POU3F3: variants seen among roughly 807,000 people sequenced by gnomAD.
POU3F3 encodes the protein POU domain, class 3, transcription factor 3.
In POU3F3, 1 loss-of-function variant was observed where a neutral mutation model predicts 8.6. That is an observed-to-expected ratio of 0.12 (90% confidence interval 0.04 to 0.55). The LOEUF (loss-of-function observed/expected upper bound fraction) is 0.55, where lower values mean the gene tolerates loss of function less well. Among genes scored for constraint, POU3F3 ranks in the 20% least tolerant of loss-of-function variants. The pLI is 0.91. For missense variants in POU3F3, 577 were observed against 690.7 expected, an observed-to-expected ratio of 0.84 and a Z score of 1.84; for synonymous variants, 418 against 327.4, an observed-to-expected ratio of 1.28 and a Z score of -2.99.
At chr2:104,875,550 G>T in the POU3F3 span, among the ~76,000 whole-genome samples, 1 of 152,132 alleles carries the variant, frequency 6.6e-6, no homozygotes, top group Non-Finnish European at 1.5e-5. Context: ...TTGGTGTGAA[G>T]TGATATCTCA....
chr2:104,915,197 T>C, the POU3F3 span, among the ~76,000 whole-genome samples: 1 of 152,108 alleles, frequency 6.6e-6, no homozygotes, highest in Admixed American at 6.5e-5. Flanking sequence ...TAAATAGCAA[T>C]TGTATTAGTC....
chr2:104,869,199 GA>G, the POU3F3 span, among the ~76,000 whole-genome samples: 1 of 152,212 alleles, frequency 6.6e-6, no homozygotes, highest in Non-Finnish European at 1.5e-5. Flanking sequence ...TTCCGGCTGG[GA>G]AAAGTTTAAA....
the POU3F3 span, among the ~76,000 whole-genome samples, chr2:104,925,726 A>G: frequency 0.65 from 99,249 of 152,150 alleles, 32,518 homozygotes; most frequent in East Asian, 0.81. Flanking sequence ...AATTTTCCTC[A>G]GAGTTAGATA....
chr2:104,881,141 TCTTTCTTTC>T, the POU3F3 span, among the ~76,000 whole-genome samples: 31 of 151,256 alleles, frequency 2.0e-4, no homozygotes, highest in South Asian at 2.7e-3. Flanking sequence ...TTTCTTTCTT[TCTTTCTTTC>T]CTTTCTTTCC....
the POU3F3 span, among the ~76,000 whole-genome samples, chr2:104,894,861 C>T: frequency 6.6e-6 from 1 of 152,224 alleles, no homozygotes; most frequent in Non-Finnish European, 1.5e-5. Context: ...GGGGTGAGAA[C>T]AAGCAGGGAG....
At chr2:104,911,603 G>T in the POU3F3 span, among the ~76,000 whole-genome samples, 2 of 152,050 alleles carry the variant, frequency 1.3e-5, no homozygotes, top group Non-Finnish European at 2.9e-5. Flanking sequence ...TTCATGGCTG[G>T]CTTTGAGGAC....
the POU3F3 span, among the ~76,000 whole-genome samples, chr2:104,901,432 C>T: frequency 0.079 from 12,098 of 152,228 alleles, 733 homozygotes; most frequent in Non-Finnish European, 0.12. Context: ...CCCCATGACA[C>T]GGCAGCCGGG....
the POU3F3 span, among the ~76,000 whole-genome samples, chr2:104,918,334 G>T: frequency 4.6e-5 from 7 of 152,232 alleles, no homozygotes; most frequent in African/African-American, 1.7e-4. Context: ...TACAATGGAA[G>T]AGAAGGAATC....
Position 104,856,392 on chromosome 2 carries a change from C to T in POU3F3, c.882C>T (p.His294=), listed in dbSNP as rs1433630403. The T allele has an allele frequency of 6.5e-7, 1 of 1,534,732 alleles. No individual in the cohort carries two copies. Residue 294 remains histidine, a synonymous_variant, in exon 1 of 1, where the codon CAC becomes CAT. Coordinates refer to ENST00000361360, the MANE Select transcript of POU3F3 (RefSeq NM_006236.3). ...ACCACGCGCAGGGACCCCCGCACCACGGCGGCGGCGGCGGCGGCGCGGGGC... is the reference window on the plus strand; with the variant it reads ...ACCACGCGCAGGGACCCCCGCACCATGGCGGCGGCGGCGGCGGCGCGGGGC... ...HPHHAQGPPH[H]GGGGGGAGPG...
Position 104,855,952 on chromosome 2 carries a change from G to A in POU3F3, c.442G>A (p.Asp148Asn). ...QPPPPPPQGPDVKGGAGRDDL... is the reference protein window; with the variant it reads ...QPPPPPPQGPNVKGGAGRDDL... ...GCCGCCGCCACCGCCGCAGGGCCCC[G>A]ACGTGAAGGGCGGCGCCGGGCGCGA... Residue 148 changes from aspartate (D) to asparagine (N), a missense_variant, in exon 1 of 1, where the codon GAC becomes AAC. Coordinates refer to ENST00000361360, the MANE Select transcript of POU3F3 (RefSeq NM_006236.3). The A allele has an allele frequency of 9.5e-7, 1 of 1,054,932 alleles. No homozygotes were observed. The highest frequency in any genetic ancestry group is 2.7e-5 in the South Asian group (1 of 36,732). 65.3% of individuals were successfully genotyped at this position (1,054,932 alleles called of 1,614,324 possible).
chr2:104,856,140 C>G lies in POU3F3; in HGVS notation c.630C>G (p.Ala210=). Residue 210 remains alanine (A), a synonymous_variant, in exon 1 of 1, where the codon GCC becomes GCG. Coordinates refer to ENST00000361360, the MANE Select transcript of POU3F3 (RefSeq NM_006236.3). ...CCGCCGCGCACCTCCCGTCCATGGC[C>G]GGGGGCCAGCAGCCGCCGCCGCAGA... ...AAAAAHLPSM[A]GGQQPPPQSL... 1.6e-6 allele frequency: 2 copies of G among 1,216,080 alleles called. No individual in the cohort carries two copies. The highest frequency in any genetic ancestry group is 6.0e-5 in the South Asian group (2 of 33,330). 75.3% of individuals were successfully genotyped at this position (1,216,080 alleles called of 1,614,324 possible). A position where few individuals can be genotyped will look rare whatever the true frequency, so the allele number is the denominator to read the frequency against.
At chr2:104,904,298 G>T in the POU3F3 span, among the ~76,000 whole-genome samples, 1 of 152,130 alleles carries the variant, frequency 6.6e-6, no homozygotes, top group African/African-American at 2.4e-5. Context: ...ATCAAATGAT[G>T]TACCTTTAGT....
the POU3F3 span, among the ~76,000 whole-genome samples, chr2:104,912,352 G>A: frequency 3.9e-5 from 6 of 152,180 alleles, no homozygotes; most frequent in African/African-American, 1.4e-4. Context: ...CCGCCCTCAC[G>A]AAAGCCAGTT....
chr2:104,863,158 C>CT (rs1558705440), downstream of POU3F3, among the ~76,000 whole-genome samples: 1 of 119,178 alleles, frequency 8.4e-6, no homozygotes, highest in East Asian at 2.4e-4. Context: ...CTCATAATAA[C>CT]AATTATTATT....
the POU3F3 span, among the ~76,000 whole-genome samples, chr2:104,871,612 G>A: frequency 2.0e-5 from 3 of 152,184 alleles, no homozygotes; most frequent in Admixed American, 6.5e-5. Flanking sequence ...AACTTTTCAA[G>A]CATAAGGGAA....
At chr2:104,874,915 C>A in the POU3F3 span, among the ~76,000 whole-genome samples, 1 of 152,194 alleles carries the variant, frequency 6.6e-6, no homozygotes, top group South Asian at 2.1e-4. Flanking sequence ...GTGCAACCAT[C>A]ACCATCATCC....
the POU3F3 span, among the ~76,000 whole-genome samples, chr2:104,888,198 A>G: frequency 1.3e-5 from 2 of 152,226 alleles, no homozygotes; most frequent in African/African-American, 4.8e-5. Flanking sequence ...GTGTGTGCGA[A>G]ATGGACATAT....
At chr2:104,890,299 T>C in the POU3F3 span, among the ~76,000 whole-genome samples, 3 of 152,112 alleles carry the variant, frequency 2.0e-5, no homozygotes, top group East Asian at 5.8e-4. Flanking sequence ...CTTTGCTGAA[T>C]TGTTTTTCCT....
At chr2:104,897,594 G>A in the POU3F3 span, among the ~76,000 whole-genome samples, 2 of 152,084 alleles carry the variant, frequency 1.3e-5, no homozygotes, top group African/African-American at 2.4e-5. Context: ...GACCCAGGAC[G>A]AACCCCAGCC....
Sources: allele counts gnomAD v4.1 joint callset (sites outside exome capture counted in the v4.1 genomes callset), GRCh38; gene constraint gnomAD v4.1.1; transcripts MANE v1.5; gene names NCBI Gene and HGNC (gene_info 2026-07-23, HGNC 2026-07-21).